RAB22A: variants seen among roughly 807,000 people sequenced by gnomAD.
The protein encoded by RAB22A is ras-related protein Rab-22A.
Under a neutral mutation model 30.2 loss-of-function variants are expected in RAB22A, and 13 were observed. That is an observed-to-expected ratio of 0.43 (90% confidence interval 0.28 to 0.68). The LOEUF is 0.68. RAB22A is among the 30% of genes least tolerant of loss of function. The pLI is 0.18. For missense variants in RAB22A, 177 were observed against 246.8 expected (o/e 0.72, Z 1.89); for synonymous variants, 89 against 87.2 (o/e 1.02, Z -0.11).
chr20:58,345,541 T>G (rs1986931217), intron 3 of RAB22A: 1 of 152,348 alleles, frequency 6.6e-6, no homozygotes, highest in Non-Finnish European at 1.5e-5. Context: ...AGGCCAGGGG[T>G]GCTGACCAGG....
intron 2 of RAB22A, among the ~76,000 whole-genome samples, chr20:58,342,617 A>G (rs1431210992): frequency 6.6e-6 from 1 of 151,040 alleles, no homozygotes; most frequent in Non-Finnish European, 1.5e-5. Flanking sequence ...ATTTGGGTAC[A>G]ACTTGGCCAA....
chr20:58,350,821 C>T (rs1019947034), intron 3 of RAB22A, among the ~76,000 whole-genome samples: 1 of 152,142 alleles, frequency 6.6e-6, no homozygotes, highest in Non-Finnish European at 1.5e-5. Context: ...AAATAATAGC[C>T]ACTAGAAATG....
At chr20:58,330,892 A>G (rs536195935) in intron 2 of RAB22A, among the ~76,000 whole-genome samples, 1 of 152,282 alleles carries the variant, frequency 6.6e-6, no homozygotes, top group East Asian at 1.9e-4. Flanking sequence ...CCCCAGTTGC[A>G]TGTGCAATTA....
intron 6 of RAB22A, among the ~76,000 whole-genome samples, chr20:58,358,049 TATGAG>T (rs1987161484): frequency 6.6e-6 from 1 of 152,206 alleles, no homozygotes; most frequent in Non-Finnish European, 1.5e-5. Context: ...TGTAAACAGA[TATGAG>T]ATATGTGTAG....
Position 58,349,731 on chromosome 20 carries a change from A to G in RAB22A, c.199-3542A>G, listed in dbSNP as rs138850496. On this transcript the variant is annotated intron_variant, in intron 3 of 6. Transcript: ENST00000244040. ...GACTAAGGGCAAATCCAAAAACCCAAGTAGACCAACCAATCTCAGGATGAG... is the reference window on the plus strand; with the variant it reads ...GACTAAGGGCAAATCCAAAAACCCAGGTAGACCAACCAATCTCAGGATGAG... Among the ~76,000 whole-genome samples, 598 of 152,324 alleles carry G rather than the reference A, an allele frequency of 3.9e-3. 4 individuals carry two copies. Among genetic ancestry groups the G allele is most frequent in the African/African-American group, 0.014 (575 of 41,578 alleles).
intron 2 of RAB22A, among the ~76,000 whole-genome samples, chr20:58,335,091 T>C (rs1248982402): frequency 6.6e-6 from 1 of 152,188 alleles, no homozygotes. Flanking sequence ...AAAAAAACAC[T>C]GTAGATGAAT....
Position 58,353,530 on chromosome 20 carries a change from CG to C in RAB22A, c.370del (p.Asp124MetfsTer2), listed in dbSNP as rs770907707. On this transcript the variant is annotated frameshift_variant, in exon 5 of 7. Coordinates refer to ENST00000244040, the MANE Select transcript of RAB22A (RefSeq NM_020673.3). LOFTEE classifies it high-confidence loss of function. Reference sequence around the variant, plus strand: ...TTGCAGGAAATAAATGTGATCTTATCGATGTAAGGTAAGTTATTAGAACGAG... The same window carrying C: ...TTGCAGGAAATAAATGTGATCTTATCATGTAAGGTAAGTTATTAGAACGAG... ...AIAGNKCDLI[D>X]VREVMERDAK... is the part of the protein sequence containing the mutation. The C allele has an allele frequency of 6.3e-7, 1 of 1,594,744 alleles. No individual in the cohort carries two copies. Among genetic ancestry groups the C allele is most frequent in the African/African-American group, 1.3e-5 (1 of 74,494 alleles).
intron 2 of RAB22A, among the ~76,000 whole-genome samples, chr20:58,312,963 T>A (rs1190293190): frequency 1.3e-5 from 2 of 152,200 alleles, no homozygotes. Flanking sequence ...TGTCCCTACC[T>A]GCATGGGAAA....
chr20:58,321,091 G>A (rs144516183), intron 2 of RAB22A, among the ~76,000 whole-genome samples: 309 of 152,090 alleles, frequency 2.0e-3, no homozygotes, highest in African/African-American at 7.1e-3. Flanking sequence ...TCAGGAGGCC[G>A]AGGCAAGAGA....
intron 1 of RAB22A, 47 bp downstream of exon 1, chr20:58,310,059 G>A: frequency 8.0e-7 from 1 of 1,256,420 alleles, no homozygotes; most frequent in South Asian, 3.7e-5. Context: ...AGGCTGGGCT[G>A]GCGGGGACCC....
chr20:58,342,432 T>A (rs1986870948), intron 2 of RAB22A, among the ~76,000 whole-genome samples: 3 of 152,104 alleles, frequency 2.0e-5, no homozygotes, highest in Admixed American at 2.0e-4. Context: ...AGAGTTGAAG[T>A]TTTAAAACTA....
At chr20:58,321,209 C>T (rs1297008869) in intron 2 of RAB22A, among the ~76,000 whole-genome samples, 1 of 147,764 alleles carries the variant, frequency 6.8e-6, no homozygotes, top group Admixed American at 6.7e-5. Context: ...AAAAAAAATA[C>T]AAAAATTAGC....
chr20:58,310,129 G>C, intron 1 of RAB22A, 117 bp downstream of exon 1: 1 of 1,029,962 alleles, frequency 9.7e-7, no homozygotes, highest in East Asian at 3.4e-5. Context: ...CTGTCTGCCA[G>C]CCCCGTGGAC....
At chr20:58,357,156 G>A (rs142844913) in intron 6 of RAB22A, among the ~76,000 whole-genome samples, 2,317 of 152,268 alleles carry the variant, frequency 0.015, 26 homozygotes, top group Non-Finnish European at 0.02. Flanking sequence ...TGAGAAGTCC[G>A]ATCACCTTCT....
chr20:58,349,539 G>A (rs1987009140), intron 3 of RAB22A, among the ~76,000 whole-genome samples: 1 of 152,172 alleles, frequency 6.6e-6, no homozygotes, highest in African/African-American at 2.4e-5. Flanking sequence ...CCAGTAGCTG[G>A]CAAGGGTGAC....
At chr20:58,318,080 C>T (rs75252893) in intron 2 of RAB22A, among the ~76,000 whole-genome samples, 2,385 of 152,164 alleles carry the variant, frequency 0.016, 27 homozygotes, top group Non-Finnish European at 0.02. Flanking sequence ...ATTGCCCAGG[C>T]TGGTCTCGAA....
intron 3 of RAB22A, among the ~76,000 whole-genome samples, chr20:58,350,476 C>T (rs116268391): frequency 7.6e-4 from 115 of 152,192 alleles, no homozygotes; most frequent in African/African-American, 2.7e-3. Flanking sequence ...CAAAGAACAC[C>T]ATATCTAGGT....
At chr20:58,343,552 C>T (rs1020419685) in intron 2 of RAB22A, among the ~76,000 whole-genome samples, 166 bp from the exon 3 acceptor site, 2 of 152,084 alleles carry the variant, frequency 1.3e-5, no homozygotes. Flanking sequence ...GGAGGATATG[C>T]ACTCAGCATC....
rs886504231 is a variant in RAB22A at position 58,324,771 on chromosome 20, G to A, written c.116+13649G>A. On this transcript the variant is annotated intron_variant, in intron 2 of 6. Coordinates refer to ENST00000244040, the MANE Select transcript of RAB22A (RefSeq NM_020673.3). ...AGTCCCAGCTACTCAGGAGGCTGAG[G>A]CAGGAGAATCGCTTGAACCGGGGAG... Among the ~76,000 whole-genome samples, 5 of 150,794 alleles carry A rather than the reference G, an allele frequency of 3.3e-5. No homozygotes were observed. The South Asian group carries it at 8.4e-4, about 25-fold the overall frequency.
Sources: gnomAD v4.1 joint callset for allele counts (sites outside exome capture counted in the v4.1 genomes callset) on GRCh38, gnomAD v4.1.1 for gene constraint, MANE v1.5 for transcripts, NCBI Gene and HGNC (gene_info 2026-07-23, HGNC 2026-07-21) for gene names.